Variants in SCFD1 observed in about 807,000 individuals in gnomAD.
SCFD1 encodes sec1 family domain containing 1, also known as sec1 family domain-containing protein 1.
In SCFD1, 37 loss-of-function variants were observed where a neutral mutation model predicts 103.2. The observed-to-expected ratio is 0.36, with a 90% CI of 0.28 to 0.47. The LOEUF (loss-of-function observed/expected upper bound fraction) is 0.47. SCFD1 is among the 20% of genes least tolerant of loss of function. The pLI, the probability that SCFD1 is intolerant of heterozygous loss-of-function variation, is 1.00. For synonymous variants in SCFD1, 264 were observed against 245.0 expected (o/e 1.08, Z -0.73); for missense variants, 639 against 761.2 (o/e 0.84, Z 1.89).
At chr14:30,654,827 A>T (rs1396470177) in intron 10 of SCFD1, among the ~76,000 whole-genome samples, 1 of 152,208 alleles carries the variant, frequency 6.6e-6, no homozygotes, top group Non-Finnish European at 1.5e-5. Context: ...TGACTCTAGG[A>T]TGAGTGTCGA....
Position 30,643,877 on chromosome 14 carries a change from T to C in SCFD1, c.613+472T>C. On this transcript the variant is annotated intron_variant, in intron 7 of 24. Coordinates refer to ENST00000458591, the MANE Select transcript of SCFD1 (RefSeq NM_016106.4). The stretch of plus-strand genomic sequence containing the variant: ...TTTTTTTTATTTTCAACTTTTATTT[T>C]AGGTTTGGGGGATACATGTGCAAGT... The C allele has an allele frequency of 4.6e-6, 2 of 434,832 alleles. 1 individual carries two copies. The highest frequency in any genetic ancestry group is 3.4e-5 in the South Asian group (2 of 58,930). The allele number at this position is 434,832 out of a possible 1,614,324, so 26.9% of individuals were successfully genotyped here.
chr14:30,700,636 T>C (rs1192482810), intron 16 of SCFD1, among the ~76,000 whole-genome samples: 5 of 152,100 alleles, frequency 3.3e-5, no homozygotes, highest in Non-Finnish European at 7.4e-5. Context: ...ATCATGCCAC[T>C]GCACTCTAGC....
At chr14:30,699,204 C>A (rs1890906560) in intron 15 of SCFD1, among the ~76,000 whole-genome samples, 1 of 151,980 alleles carries the variant, frequency 6.6e-6, no homozygotes, top group African/African-American at 2.4e-5. Flanking sequence ...TTTATTTTAC[C>A]ATTCTTTGTC....
intron 3 of SCFD1, among the ~76,000 whole-genome samples, chr14:30,633,131 T>C (rs1275969047): frequency 6.6e-6 from 1 of 152,196 alleles, no homozygotes; most frequent in Non-Finnish European, 1.5e-5. Flanking sequence ...GGACAAGCAG[T>C]GTGAAAAAGA....
chr14:30,638,383 A>G (rs2139038729), intron 5 of SCFD1, 136 bp downstream of exon 5: 4 of 1,246,134 alleles, frequency 3.2e-6, no homozygotes, highest in Non-Finnish European at 4.4e-6. Flanking sequence ...ACTTTTATAA[A>G]GAGTTCTGAT....
chr14:30,630,972 A>G (rs938245658), intron 3 of SCFD1: 1 of 170,842 alleles, frequency 5.9e-6, no homozygotes, highest in South Asian at 1.5e-4. Flanking sequence ...CCTACCAAAC[A>G]TCATAGCTTA....
chr14:30,725,094 C>CTA (rs1158625077), intron 23 of SCFD1, among the ~76,000 whole-genome samples: 1 of 151,998 alleles, frequency 6.6e-6, no homozygotes. Context: ...TAGCCCTGTA[C>CTA]TATAGTTTGA....
intron 2 of SCFD1, among the ~76,000 whole-genome samples, chr14:30,628,718 A>G (rs1003215388): frequency 7.2e-5 from 11 of 152,336 alleles, no homozygotes; most frequent in East Asian, 1.9e-4. Flanking sequence ...CCAGAAAGCA[A>G]TCTACAATCT....
chr14:30,648,486 ATTTT>A (rs576632809), intron 7 of SCFD1, among the ~76,000 whole-genome samples: 134 of 152,312 alleles, frequency 8.8e-4, no homozygotes, highest in Non-Finnish European at 1.2e-3. Flanking sequence ...AAAAACTACA[ATTTT>A]TTATTGTCAA....
At chr14:30,629,309 C>G (rs1379327312) in intron 2 of SCFD1, among the ~76,000 whole-genome samples, 1 of 152,072 alleles carries the variant, frequency 6.6e-6, no homozygotes, top group African/African-American at 2.4e-5. Context: ...AAAGGAAATC[C>G]TGGCATTTAA....
At chr14:30,655,246 G>C (rs1886789330) in intron 10 of SCFD1, among the ~76,000 whole-genome samples, 1 of 152,184 alleles carries the variant, frequency 6.6e-6, no homozygotes, top group Non-Finnish European at 1.5e-5. Context: ...GTAAGGTAGT[G>C]AATTATATAG....
chr14:30,726,135 G>C (rs1008875127), intron 23 of SCFD1, among the ~76,000 whole-genome samples: 5 of 152,054 alleles, frequency 3.3e-5, no homozygotes, highest in Non-Finnish European at 5.9e-5. Context: ...TTATATAACA[G>C]AAAAACAAGA....
chr14:30,711,072 CTATT>C (rs1330846603), intron 19 of SCFD1, among the ~76,000 whole-genome samples: 2 of 152,158 alleles, frequency 1.3e-5, no homozygotes, highest in African/African-American at 4.8e-5. Context: ...GATTTGGAAT[CTATT>C]TGTGTGAGGA....
At chr14:30,698,472 T>G (rs1890850119) in intron 15 of SCFD1, among the ~76,000 whole-genome samples, 1 of 152,194 alleles carries the variant, frequency 6.6e-6, no homozygotes, top group Admixed American at 6.5e-5. Flanking sequence ...GTTCTTTCTT[T>G]AAGCAAAGTA....
chr14:30,644,685 C>G (rs929012875), intron 7 of SCFD1, among the ~76,000 whole-genome samples: 2 of 152,122 alleles, frequency 1.3e-5, no homozygotes, highest in Admixed American at 1.3e-4. Flanking sequence ...GTCCTTTGCC[C>G]ATTTTTAATG....
chr14:30,728,460 G>A (rs905775511), intron 23 of SCFD1, among the ~76,000 whole-genome samples: 1 of 152,164 alleles, frequency 6.6e-6, no homozygotes, highest in African/African-American at 2.4e-5. Flanking sequence ...GATTCCTGCA[G>A]CTAACAGGTA....
intron 6 of SCFD1, among the ~76,000 whole-genome samples, chr14:30,640,399 C>G (rs887075245): frequency 6.6e-6 from 1 of 152,140 alleles, no homozygotes; most frequent in Non-Finnish European, 1.5e-5. Flanking sequence ...TCACAGAAAT[C>G]TATTTACAGT....
intron 1 of SCFD1, among the ~76,000 whole-genome samples, chr14:30,626,964 GT>G (rs1401139059): frequency 6.6e-6 from 1 of 152,154 alleles, no homozygotes; most frequent in Non-Finnish European, 1.5e-5. Flanking sequence ...GGTGATTTTA[GT>G]ATTACATAGT....
intron 9 of SCFD1, among the ~76,000 whole-genome samples, chr14:30,651,144 G>A (rs543368787): frequency 1.3e-5 from 2 of 152,184 alleles, no homozygotes; most frequent in South Asian, 4.2e-4. Flanking sequence ...ATACATTATA[G>A]TATATTTAAC....
Sources: allele counts gnomAD v4.1 joint callset (sites outside exome capture counted in the v4.1 genomes callset), GRCh38; gene constraint gnomAD v4.1.1; transcripts MANE v1.5; gene names NCBI Gene and HGNC (gene_info 2026-07-23, HGNC 2026-07-21).